The following PHKG2 variants were observed in gnomAD, a reference collection of about 807,000 sequenced individuals.
The protein encoded by PHKG2 is phosphorylase b kinase gamma catalytic chain, liver/testis isoform.
Under a neutral mutation model 44.5 loss-of-function variants are expected in PHKG2, and 28 were observed. The ratio of observed to expected loss-of-function variants is 0.63; its 90% CI spans 0.47 to 0.86. The LOEUF (loss-of-function observed/expected upper bound fraction) is 0.86. Ranked by LOEUF, PHKG2 falls within the 40% of genes least tolerant of loss-of-function variation. The pLI is 0.00. For synonymous variants in PHKG2, 220 were observed against 211.2 expected (o/e 1.04, Z -0.36); for missense variants, 498 against 547.5 (o/e 0.91, Z 0.90).
Position 30,760,761 on chromosome 16 carries a change from G to T in PHKG2, c.*3664G>T. The T allele has an allele frequency of 8.5e-7, 1 of 1,176,730 alleles. No individual in the cohort carries two copies. The highest frequency in any genetic ancestry group is 1.2e-6 in the Non-Finnish European group (1 of 810,532). The allele number at this position is 1,176,730 out of a possible 1,614,324, so 72.9% of individuals were successfully genotyped here. On this transcript the variant is annotated 3_prime_UTR_variant, in exon 10 of 10. Coordinates refer to ENST00000563588, the MANE Select transcript of PHKG2 (RefSeq NM_000294.3). ...GCGTGAGACTGGGAGTTGGCCACCG[G>T]CGTGAAGCTGGGCTCTTTTGCCAGC... is the stretch of plus-strand genomic sequence containing the variant.
rs1263830784 is a variant in PHKG2 at position 30,749,203 on chromosome 16, TG to T, written c.95+290del. The stretch of plus-strand genomic sequence containing the variant: ...GTGGTGCTGGTGGTGGTGCTGGTGG[TG>T]GTGTGTGTGTGTGTGTGTGTCTTTC... On this transcript the variant is annotated intron_variant, in intron 2 of 9. Transcript: ENST00000563588. Among the ~76,000 whole-genome samples the T allele has an allele frequency of 3.5e-3, 43 of 12,228 alleles. 2 individuals are homozygous for T. In the East Asian group the frequency reaches 0.11, roughly 32 times the overall value. The allele number at this position is 12,228 out of a possible 152,430, so 8.0% of individuals were successfully genotyped here.
chr16:30,756,177 C>T lies in PHKG2; in HGVS notation c.557-5C>T, dbSNP rs751638529. 3 of 1,612,822 alleles carry T rather than the reference C, an allele frequency of 1.9e-6. No homozygotes were observed. The highest frequency in any genetic ancestry group is 1.7e-5 in the Admixed American group (1 of 60,030). On this transcript the variant is annotated splice_polypyrimidine_tract_variant and splice_region_variant and intron_variant, in intron 6 of 9. Transcript: ENST00000563588. ...ATCCCCTCAATCTTGGTCCTCTCTC[C>T]CCAGAGTTGTGTGGGACCCCAGGGT...
At position 30,757,858 on chromosome 16, in the gene PHKG2, A is replaced by C. The variant is rs2053484815; in HGVS notation, c.*761A>C. 2 of 1,371,200 alleles carry C rather than the reference A, an allele frequency of 1.5e-6. No homozygotes were observed. Among genetic ancestry groups the C allele is most frequent in the South Asian group, 3.3e-5 (2 of 60,586 alleles). The allele number at this position is 1,371,200 out of a possible 1,614,324, so 84.9% of individuals were successfully genotyped here. A position where few individuals can be genotyped will look rare whatever the true frequency, so the allele number is the denominator to read the frequency against. ...GGCTATGCTGGACTTTGCAGCTTCA[A>C]ATTCTGATCCCTACTCAGTAGCTGT... On this transcript the variant is annotated 3_prime_UTR_variant, in exon 10 of 10. Coordinates refer to ENST00000563588, the MANE Select transcript of PHKG2 (RefSeq NM_000294.3).
At position 30,749,145 on chromosome 16, in the gene PHKG2, CTGG is replaced by C. The variant is rs1567259664; in HGVS notation, c.95+239_95+241del. Among the ~76,000 whole-genome samples the C allele has an allele frequency of 1.4e-3, 7 of 5,124 alleles. 1 individual carries two copies. The highest frequency in any genetic ancestry group is 0.012 in the East Asian group (1 of 84). The allele number at this position is 5,124 out of a possible 152,430, so 3.4% of individuals were successfully genotyped here. ...GGTGCTGGTGGTGGTGGTGCTGGTGCTGGTGGTGGTGCTGGTGGTGGTGGTGCT... is the reference window on the plus strand; with the variant it reads ...GGTGCTGGTGGTGGTGGTGCTGGTGCTGGTGGTGCTGGTGGTGGTGGTGCT... On this transcript the variant is annotated intron_variant, in intron 2 of 9. Coordinates refer to ENST00000563588, the MANE Select transcript of PHKG2 (RefSeq NM_000294.3).
Position 30,758,113 on chromosome 16 carries a change from C to G in PHKG2, c.*1016C>G, listed in dbSNP as rs2053500553. The G allele has an allele frequency of 6.6e-6, 1 of 152,248 alleles. No individual in the cohort carries two copies. The highest frequency in any genetic ancestry group is 1.5e-5 in the Non-Finnish European group (1 of 68,578). The allele number at this position is 152,248 out of a possible 1,614,324, so 9.4% of individuals were successfully genotyped here. ...TTGAGATGGAGTCTTGCTTTATCCC[C>G]CAGGCTGGAGTGCAGTGGCAGCGAT... On this transcript the variant is annotated 3_prime_UTR_variant, in exon 10 of 10. Coordinates refer to ENST00000563588, the MANE Select transcript of PHKG2 (RefSeq NM_000294.3).
In PHKG2 at chr16:30,758,880, T is replaced by C; in HGVS notation, c.*1783T>C. On this transcript the variant is annotated 3_prime_UTR_variant, in exon 10 of 10. Transcript: ENST00000563588. ...TGTGCTTTTATCTGTCATCTTGGAC[T>C]TCTGCATAAGGGATCATTTAGAGAA... The C allele has an allele frequency of 6.9e-7, 1 of 1,450,334 alleles. No individual in the cohort carries two copies. The highest frequency in any genetic ancestry group is 9.2e-7 in the Non-Finnish European group (1 of 1,088,634). 89.8% of individuals were successfully genotyped at this position (1,450,334 alleles called of 1,614,324 possible).
rs750049515 is a variant in PHKG2, at chr16:30,756,430, G to A, written c.711G>A (p.Arg237=). Residue 237 remains arginine (R), a synonymous_variant, in exon 8 of 10, where the codon CGG becomes CGA. Transcript: ENST00000563588. ...GCTCGCCACCCTTCTGGCACCGGCG[G>A]CAGATCCTGATGTTACGCATGATCA... The part of the protein sequence containing the change: ...LAGSPPFWHR[R]QILMLRMIME... The A allele has an allele frequency of 1.2e-6, 2 of 1,613,926 alleles. No homozygotes were observed. Among genetic ancestry groups the A allele is most frequent in the South Asian group, 1.1e-5 (1 of 91,080 alleles).
chr16:30,753,294 C>T lies in PHKG2; in HGVS notation c.389C>T (p.Thr130Ile), dbSNP rs1596683043. ...TEKVALSEKE[T>I]RSIMRSLLEA... ...AAGGTGGCCCTCTCTGAAAAGGAAA[C>T]CAGGTAAGGGTTGAGCCTGAAGCCC... The change falls in exon 5 of 10, where the codon ACC (threonine) becomes ATC (isoleucine). Residue 130 changes from threonine to isoleucine, a missense_variant. Coordinates refer to ENST00000563588, the MANE Select transcript of PHKG2 (RefSeq NM_000294.3). 1.2e-6 allele frequency: 2 copies of T among 1,613,998 alleles called. No homozygotes were observed. Among genetic ancestry groups the T allele is most frequent in the Middle Eastern group, 3.3e-4 (2 of 6,062 alleles).
At position 30,758,019 on chromosome 16, in the gene PHKG2, C is replaced by T; in HGVS notation, c.*922C>T. 1 of 197,184 alleles carries T rather than the reference C, an allele frequency of 5.1e-6. No homozygotes were observed. Among genetic ancestry groups the T allele is most frequent in the Non-Finnish European group, 1.0e-5 (1 of 100,322 alleles). The allele number at this position is 197,184 out of a possible 1,614,324, so 12.2% of individuals were successfully genotyped here. A position where few individuals can be genotyped will look rare whatever the true frequency, so the allele number is the denominator to read the frequency against. On this transcript the variant is annotated 3_prime_UTR_variant, in exon 10 of 10. Transcript: ENST00000563588. ...TGTAAAATGCTTAGAGCAGGGCATGCACTGCACACCTATTGCCAAGTATGT... is the reference window on the plus strand; with the variant it reads ...TGTAAAATGCTTAGAGCAGGGCATGTACTGCACACCTATTGCCAAGTATGT...
At chr16:30,749,246 GTGC>G (rs201070712) in intron 2 of PHKG2, among the ~76,000 whole-genome samples, 7 of 131,206 alleles carry the variant, frequency 5.3e-5, no homozygotes, top group Admixed American at 3.1e-4. Flanking sequence ...GGTGGTGCTG[GTGC>G]TGGTGGTGCT....
Position 30,756,833 on chromosome 16 carries a change from A to T in PHKG2, c.957A>T (p.Gly319=). Residue 319 remains glycine (G), a synonymous_variant, in exon 10 of 10, where the codon GGA becomes GGT. Coordinates refer to ENST00000563588, the MANE Select transcript of PHKG2 (RefSeq NM_000294.3). ...RVAVWTVLAA[G]RVALSTHRVR... is the part of the protein sequence containing the mutation. ...CAGTGTGGACAGTGCTGGCTGCTGG[A>T]CGAGTGGCCCTAAGCACCCATCGTG... 6.2e-7 allele frequency: 1 copy of T among 1,614,080 alleles called. No individual in the cohort carries two copies. Among genetic ancestry groups the T allele is most frequent in the East Asian group, 2.2e-5 (1 of 44,876 alleles).
In PHKG2 at chr16:30,757,808, T is replaced by C; in HGVS notation, c.*711T>C. 1.4e-6 allele frequency: 2 copies of C among 1,418,934 alleles called. No individual in the cohort carries two copies. Among genetic ancestry groups the C allele is most frequent in the Non-Finnish European group, 1.8e-6 (2 of 1,090,898 alleles). The allele number at this position is 1,418,934 out of a possible 1,614,324, so 87.9% of individuals were successfully genotyped here. On this transcript the variant is annotated 3_prime_UTR_variant, in exon 10 of 10. Transcript: ENST00000563588. ...CCTTTAGGAAATGTTAGCAAGCCCT[T>C]GTGTGAGAGGTAGTTGGGTAGGGTG...
intron 2 of PHKG2, 26 bp from the exon 3 acceptor site, chr16:30,751,080 C>T: frequency 6.2e-7 from 1 of 1,610,928 alleles, no homozygotes; most frequent in South Asian, 1.1e-5. Context: ...GAGGCCCTGA[C>T]TTGTGCTATT....
At chr16:30,749,207 GTGTGTGT>G (rs2053310487) in intron 2 of PHKG2, among the ~76,000 whole-genome samples, 3 of 124,402 alleles carry the variant, frequency 2.4e-5, no homozygotes, top group African/African-American at 3.1e-5. Context: ...TGGTGGTGGT[GTGTGTGT>G]GTGTGTGTGT....
rs568815926 is a variant in PHKG2, at chr16:30,756,626, C to G, written c.838C>G (p.Leu280Val). 6.2e-7 allele frequency: 1 copy of G among 1,614,054 alleles called. No homozygotes were observed. The highest frequency in any genetic ancestry group is 1.7e-5 in the Admixed American group (1 of 60,024). Residue 280 changes from leucine (L) to valine (V), a missense_variant, in exon 9 of 10, where the codon CTG (leucine) becomes GTG (valine). Leu to Val is a conservative substitution (Grantham distance 32). Transcript: ENST00000563588. ...RLLQVDPEAR[L>V]TAEQALQHPF... ...GCTGCAGGTGGATCCTGAGGCACGC[C>G]TGACAGCTGAGCAGGCCCTACAGCA...
intron 2 of PHKG2, among the ~76,000 whole-genome samples, chr16:30,749,959 G>T (rs2151306334): frequency 6.8e-6 from 1 of 146,816 alleles, no homozygotes; most frequent in Middle Eastern, 3.5e-3. Flanking sequence ...GTATGAGTAG[G>T]AGTTCAGGGG....
rs758687226 is a variant in PHKG2, at chr16:30,748,787, C to A, written c.-18-16C>A. ...TGTGGGCCTCCCTGCCCTCACTGCCCTCCTCCTCCGCGCAGGCCCCCGCCT... is the reference window on the plus strand; with the variant it reads ...TGTGGGCCTCCCTGCCCTCACTGCCATCCTCCTCCGCGCAGGCCCCCGCCT... On this transcript the variant is annotated splice_polypyrimidine_tract_variant and intron_variant, in intron 1 of 9. Transcript: ENST00000563588. The A allele has an allele frequency of 2.7e-6, 4 of 1,508,934 alleles. No individual in the cohort carries two copies. The East Asian group carries it at 7.4e-5, about 28-fold the overall frequency. The allele number at this position is 1,508,934 out of a possible 1,614,324, so 93.5% of individuals were successfully genotyped here.
rs977864924 is a variant in PHKG2, at chr16:30,757,932, A to G, written c.*835A>G. Reference sequence around the variant, plus strand: ...CCTATCTGTGCCTCAGTTTCCTTGTATGAAATGTGGATAGTGATACCTAGC... The same window carrying G: ...CCTATCTGTGCCTCAGTTTCCTTGTGTGAAATGTGGATAGTGATACCTAGC... On this transcript the variant is annotated 3_prime_UTR_variant, in exon 10 of 10. Transcript: ENST00000563588. The G allele has an allele frequency of 4.3e-6, 3 of 701,742 alleles. No individual in the cohort carries two copies. In the African/African-American group the frequency reaches 5.5e-5, roughly 13 times the overall value. 43.5% of individuals were successfully genotyped at this position (701,742 alleles called of 1,614,324 possible). A position where few individuals can be genotyped will look rare whatever the true frequency, so the allele number is the denominator to read the frequency against.
chr16:30,759,697 C>T lies in PHKG2; in HGVS notation c.*2600C>T, dbSNP rs367914019. ...AAGGACACTGGTGAAGTAGCGGTAG[C>T]ACTCCTCCACGTTGCCCAAGGGGGT... is the stretch of plus-strand genomic sequence containing the variant. On this transcript the variant is annotated 3_prime_UTR_variant, in exon 10 of 10. Transcript: ENST00000563588. 5 of 1,613,160 alleles carry T rather than the reference C, an allele frequency of 3.1e-6. No homozygotes were observed. The African/African-American group carries it at 6.7e-5, about 22-fold the overall frequency.
Sources: gnomAD v4.1 joint callset for allele counts (sites outside exome capture counted in the v4.1 genomes callset) on GRCh38, gnomAD v4.1.1 for gene constraint, MANE v1.5 for transcripts, NCBI Gene and HGNC (gene_info 2026-07-23, HGNC 2026-07-21) for gene names.